The following IDO2 variants were observed in gnomAD, a reference collection of about 807,000 sequenced individuals.
The protein encoded by IDO2 is indoleamine 2,3-dioxygenase-like 1 protein.
In IDO2, 46 loss-of-function variants were observed where a neutral mutation model predicts 45.1. That is an observed-to-expected ratio of 1.02 (90% CI 0.80 to 1.30). IDO2 has a LOEUF of 1.30. IDO2 is among the 50% of genes most tolerant of loss of function. IDO2 has a pLI of 0.00. For missense variants in IDO2, 544 were observed against 491.8 expected (o/e 1.11, Z -1.00); for synonymous variants, 218 against 184.9 (o/e 1.18, Z -1.45).
intron 3 of IDO2, among the ~76,000 whole-genome samples, chr8:39,978,174 C>T (rs1443106504): frequency 6.6e-6 from 1 of 152,204 alleles, no homozygotes; most frequent in African/African-American, 2.4e-5. Flanking sequence ...TCAACCCGGG[C>T]CTGCGCTGGA....
intron 2 of IDO2, among the ~76,000 whole-genome samples, chr8:39,951,022 C>T (rs1461222147): frequency 3.4e-5 from 5 of 148,354 alleles, no homozygotes; most frequent in African/African-American, 1.2e-4. Flanking sequence ...GAGCGAAACT[C>T]GTCTCAAAAC....
intron 8 of IDO2, chr8:39,995,222 C>G (rs1006238265): frequency 3.9e-5 from 3 of 77,150 alleles, no homozygotes; most frequent in Non-Finnish European, 7.3e-5. Context: ...TCTCCTTCTC[C>G]TTCTCCTTCT....
chr8:39,956,716 T>G (rs117905239), intron 2 of IDO2, among the ~76,000 whole-genome samples: 2,887 of 152,170 alleles, frequency 0.019, 50 homozygotes, highest in Non-Finnish European at 0.024. Context: ...TAGTAGGCCC[T>G]GTGTTAACTT....
At chr8:39,984,913 G>A (rs1470203339) in intron 5 of IDO2, 2 of 430,470 alleles carry the variant, frequency 4.6e-6, no homozygotes, top group Non-Finnish European at 9.2e-6. Context: ...AATGTAAGAT[G>A]AGTGAAATAA....
chr8:40,011,327 G>T (rs1802308092), intron 9 of IDO2, among the ~76,000 whole-genome samples: 1 of 152,164 alleles, frequency 6.6e-6, no homozygotes, highest in South Asian at 2.1e-4. Context: ...TACTCAAGAT[G>T]GGAAGGAGCT....
chr8:40,008,541 T>C (rs57956052), intron 9 of IDO2, among the ~76,000 whole-genome samples: 26,227 of 152,182 alleles, frequency 0.17, 2,650 homozygotes, highest in East Asian at 0.34. Flanking sequence ...CCCTTTGCCA[T>C]AATATATCAT....
At chr8:40,008,292 C>T (rs1468024649) in intron 9 of IDO2, among the ~76,000 whole-genome samples, 1 of 152,060 alleles carries the variant, frequency 6.6e-6, no homozygotes, top group Non-Finnish European at 1.5e-5. Context: ...GTGATCCTCC[C>T]ACTTCAGCCT....
intron 1 of IDO2, among the ~76,000 whole-genome samples, chr8:39,941,284 G>A (rs560366018): frequency 6.7e-6 from 1 of 148,588 alleles, no homozygotes; most frequent in Non-Finnish European, 1.5e-5. Context: ...AATACTCCCG[G>A]CTCTCTTTTT....
At chr8:39,986,659 T>C (rs1458728700) in intron 6 of IDO2, among the ~76,000 whole-genome samples, 2 of 148,226 alleles carry the variant, frequency 1.3e-5, no homozygotes, top group African/African-American at 2.5e-5. Flanking sequence ...TCCCATTCGA[T>C]TGTACAGCAT....
At chr8:39,973,075 A>G (rs1241850283) in intron 3 of IDO2, among the ~76,000 whole-genome samples, 1 of 152,154 alleles carries the variant, frequency 6.6e-6, no homozygotes, top group Non-Finnish European at 1.5e-5. Context: ...GTATGCCTGT[A>G]CATACTGGGG....
At chr8:39,995,600 G>T (rs375131596) in intron 8 of IDO2, among the ~76,000 whole-genome samples, 4 of 152,008 alleles carry the variant, frequency 2.6e-5, no homozygotes, top group Non-Finnish European at 5.9e-5. Context: ...CAGAGGGCAC[G>T]AGCTGTTCCA....
intron 1 of IDO2, among the ~76,000 whole-genome samples, chr8:39,940,861 A>T (rs1458707901): frequency 6.6e-6 from 1 of 151,448 alleles, no homozygotes; most frequent in Non-Finnish European, 1.5e-5. Context: ...CATTGCATAC[A>T]TGTATAGAAA....
chr8:39,976,062 C>A (rs1563432418), intron 3 of IDO2, among the ~76,000 whole-genome samples: 1 of 152,128 alleles, frequency 6.6e-6, no homozygotes, highest in Admixed American at 6.5e-5. Flanking sequence ...TCACTGAAAC[C>A]TCCACCTCCC....
chr8:39,942,630 ACT>A (rs58274321), intron 1 of IDO2, among the ~76,000 whole-genome samples: 62,938 of 151,774 alleles, frequency 0.41, 13,198 homozygotes, highest in East Asian at 0.59. Flanking sequence ...ACAGAATGAG[ACT>A]CTGTATAACA....
intron 3 of IDO2, among the ~76,000 whole-genome samples, chr8:39,973,988 C>T (rs1242407219): frequency 6.6e-6 from 1 of 152,116 alleles, no homozygotes; most frequent in Non-Finnish European, 1.5e-5. Flanking sequence ...GATCCACCTG[C>T]CTTGGCCTCT....
exon 10 of IDO2, chr8:40,013,600 T>G (rs1205477837): frequency 6.2e-7 from 1 of 1,613,834 alleles, no homozygotes; most frequent in Non-Finnish European, 8.5e-7. Flanking sequence ...GCAGGGCTGA[T>G]GTATGAAGGA....
chr8:39,965,341 G>A (rs1343099560), intron 3 of IDO2, among the ~76,000 whole-genome samples: 4 of 152,098 alleles, frequency 2.6e-5, no homozygotes, highest in Admixed American at 2.6e-4. Flanking sequence ...GAAAAAATTA[G>A]CAGGGTATGG....
exon 11 of IDO2, chr8:40,015,792 C>T (rs1417113637): frequency 5.2e-6 from 3 of 578,040 alleles, no homozygotes; most frequent in South Asian, 2.2e-5. Context: ...TGTGGCCAAG[C>T]CTTTCCCTCC....
chr8:39,971,229 T>G (rs1808175025), intron 3 of IDO2, among the ~76,000 whole-genome samples: 1 of 152,218 alleles, frequency 6.6e-6, no homozygotes, highest in Admixed American at 6.5e-5. Flanking sequence ...ACTCTGCCTG[T>G]GCTCTGTAAA....
Sources: gnomAD v4.1 joint callset for allele counts (sites outside exome capture counted in the v4.1 genomes callset) on GRCh38, gnomAD v4.1.1 for gene constraint, MANE v1.5 for transcripts, NCBI Gene and HGNC (gene_info 2026-07-23, HGNC 2026-07-21) for gene names.